TMEM267: variants seen among roughly 807,000 people sequenced by gnomAD.
TMEM267 encodes transmembrane protein C5orf28.
TMEM267 carries 20 observed loss-of-function variants against 19.3 expected under a neutral mutation model. That is an observed-to-expected ratio of 1.04 (90% CI 0.73 to 1.51). The LOEUF (loss-of-function observed/expected upper bound fraction) is 1.51, where lower values mean the gene tolerates loss of function less well. Among genes scored for constraint, TMEM267 ranks in the 40% most tolerant of loss-of-function variants. TMEM267 has a pLI of 0.00. For synonymous variants in TMEM267, 88 were observed against 90.3 expected, an observed-to-expected ratio of 0.97 and a Z score of 0.15; for missense variants, 242 against 261.9, an observed-to-expected ratio of 0.92 and a Z score of 0.52.
intron 2 of TMEM267, among the ~76,000 whole-genome samples, chr5:43,451,603 T>C (rs368963327): frequency 6.6e-5 from 10 of 152,192 alleles, no homozygotes; most frequent in African/African-American, 2.4e-4. Context: ...AACCAACAGA[T>C]GTTGGCAAGG....
chr5:43,473,733 C>T (rs1366634838), intron 1 of TMEM267, among the ~76,000 whole-genome samples: 1 of 152,216 alleles, frequency 6.6e-6, no homozygotes, highest in Admixed American at 6.5e-5. Flanking sequence ...CTACCATTGA[C>T]TTCCTTCACA....
chr5:43,464,664 C>T (rs1050922804), intron 1 of TMEM267, among the ~76,000 whole-genome samples: 4 of 152,234 alleles, frequency 2.6e-5, no homozygotes, highest in African/African-American at 7.2e-5. Context: ...TATCTACAAC[C>T]ATCTGATCTT....
intron 1 of TMEM267, among the ~76,000 whole-genome samples, chr5:43,467,814 T>C (rs949421553): frequency 1.3e-5 from 2 of 152,164 alleles, no homozygotes; most frequent in African/African-American, 4.8e-5. Flanking sequence ...AGATACATAT[T>C]CTGATTGCCT....
chr5:43,461,865 C>T (rs758282585), intron 1 of TMEM267, among the ~76,000 whole-genome samples: 21 of 152,196 alleles, frequency 1.4e-4, no homozygotes, highest in Non-Finnish European at 2.9e-4. Context: ...GGGGACCTCA[C>T]TGCCCTGAAA....
chr5:43,466,492 A>T (rs1244552093), intron 1 of TMEM267, among the ~76,000 whole-genome samples: 2 of 152,244 alleles, frequency 1.3e-5, no homozygotes, highest in Non-Finnish European at 2.9e-5. Context: ...CTGTCCTATA[A>T]GAAAAGCTAA....
chr5:43,478,826 T>C (rs1027923521), intron 1 of TMEM267, among the ~76,000 whole-genome samples: 4 of 152,154 alleles, frequency 2.6e-5, no homozygotes, highest in Admixed American at 2.0e-4. Flanking sequence ...GAGATTTCAA[T>C]GTAAGACTGA....
chr5:43,464,751 A>G (rs1352006684), intron 1 of TMEM267, among the ~76,000 whole-genome samples: 2 of 152,266 alleles, frequency 1.3e-5, no homozygotes, highest in Non-Finnish European at 2.9e-5. Context: ...CTGGCTAGCC[A>G]TATGTAGAAA....
intron 1 of TMEM267, among the ~76,000 whole-genome samples, chr5:43,457,302 T>C (rs1403419765): frequency 6.6e-6 from 1 of 152,200 alleles, no homozygotes; most frequent in East Asian, 1.9e-4. Flanking sequence ...CTCTATAATA[T>C]TGGCTCAATT....
chr5:43,456,674 T>G (rs1295631405), intron 1 of TMEM267, among the ~76,000 whole-genome samples: 1 of 152,172 alleles, frequency 6.6e-6, no homozygotes, highest in Non-Finnish European at 1.5e-5. Flanking sequence ...CCATTAATTA[T>G]TAGGGAAATG....
rs185841799 is a variant in TMEM267, at chr5:43,444,640, A to T, written c.*1582T>A. 1 of 152,288 alleles carries T rather than the reference A, an allele frequency of 6.6e-6. No individual in the cohort carries two copies. Among genetic ancestry groups the T allele is most frequent in the East Asian group, 1.9e-4 (1 of 5,184 alleles). 9.4% of individuals were successfully genotyped at this position (152,288 alleles called of 1,614,324 possible). A position where few individuals can be genotyped will look rare whatever the true frequency, so the allele number is the denominator to read the frequency against. On this transcript the variant is annotated 3_prime_UTR_variant, in exon 3 of 3. Transcript: ENST00000397080. The stretch of plus-strand genomic sequence containing the variant: ...ATATTTATTTGTTTAATATGAAGAA[A>T]GAAAAAGTAGAAAAGGTTTTGCAAT...
At chr5:43,459,340 C>A (rs896289704) in intron 1 of TMEM267, among the ~76,000 whole-genome samples, 1 of 152,094 alleles carries the variant, frequency 6.6e-6, no homozygotes, top group Admixed American at 6.6e-5. Context: ...AGCTCACCCC[C>A]ACTCTGCAAA....
chr5:43,474,759 C>CA (rs1175355175), intron 1 of TMEM267, among the ~76,000 whole-genome samples: 2,979 of 57,088 alleles, frequency 0.052, 63 homozygotes, highest in African/African-American at 0.074. Flanking sequence ...AACTCTGTCT[C>CA]AAAAAAAAAA....
chr5:43,463,077 A>T (rs1197649204), intron 1 of TMEM267, among the ~76,000 whole-genome samples: 1 of 152,216 alleles, frequency 6.6e-6, no homozygotes, highest in Non-Finnish European at 1.5e-5. Flanking sequence ...GAAGAATCAA[A>T]TAGATGCAAT....
chr5:43,464,731 G>C (rs1216013343), intron 1 of TMEM267, among the ~76,000 whole-genome samples: 1 of 152,234 alleles, frequency 6.6e-6, no homozygotes, highest in Non-Finnish European at 1.5e-5. Context: ...AATAAATGGT[G>C]CTGGGAAAAC....
At chr5:43,480,727 A>C (rs1744703630) in intron 1 of TMEM267, among the ~76,000 whole-genome samples, 1 of 150,318 alleles carries the variant, frequency 6.7e-6, no homozygotes, top group Non-Finnish European at 1.5e-5. Flanking sequence ...AAGCCAGTGC[A>C]TTATATTTTC....
intron 1 of TMEM267, among the ~76,000 whole-genome samples, chr5:43,469,859 C>T (rs779739676): frequency 1.3e-5 from 2 of 152,140 alleles, no homozygotes; most frequent in Non-Finnish European, 2.9e-5. Context: ...GAAACAGTTC[C>T]ACCCAATTTC....
intron 1 of TMEM267, chr5:43,479,982 C>A: frequency 2.6e-6 from 1 of 386,668 alleles, no homozygotes; most frequent in East Asian, 9.3e-5. Flanking sequence ...AACAAACATT[C>A]AACACCTGAA....
intron 1 of TMEM267, among the ~76,000 whole-genome samples, chr5:43,471,538 A>G (rs1316600315): frequency 1.3e-5 from 2 of 152,196 alleles, no homozygotes; most frequent in East Asian, 3.8e-4. Context: ...CCTGATTTCA[A>G]ATTATACTAC....
At chr5:43,450,161 G>C (rs1742495809) in intron 2 of TMEM267, among the ~76,000 whole-genome samples, 1 of 151,822 alleles carries the variant, frequency 6.6e-6, no homozygotes, top group African/African-American at 2.4e-5. Context: ...TGCCGGGCTA[G>C]TTTTTTATTT....
Sources: allele counts gnomAD v4.1 joint callset (sites outside exome capture counted in the v4.1 genomes callset), GRCh38; gene constraint gnomAD v4.1.1; transcripts MANE v1.5; gene names NCBI Gene and HGNC (gene_info 2026-07-23, HGNC 2026-07-21).